Variants in RNFT1 observed in about 807,000 individuals in gnomAD.
RNFT1 encodes the protein E3 ubiquitin-protein ligase RNFT1.
RNFT1 carries 35 observed loss-of-function variants against 53.2 expected under a neutral mutation model. The observed-to-expected ratio is 0.66, with a 90% confidence interval of 0.50 to 0.87. The LOEUF is 0.87. Among genes scored for constraint, RNFT1 ranks in the 40% least tolerant of loss-of-function variants. The pLI is 0.00. For synonymous variants in RNFT1, 141 were observed against 172.8 expected, an observed-to-expected ratio of 0.82 and a Z score of 1.44; for missense variants, 421 against 515.0, an observed-to-expected ratio of 0.82 and a Z score of 1.77.
In RNFT1 at chr17:59,958,446, T is replaced by C. The variant is rs138113380; in HGVS notation, c.693-2A>G. The C allele has an allele frequency of 4.1e-5, 64 of 1,560,860 alleles. No homozygotes were observed. The highest frequency in any genetic ancestry group is 5.1e-5 in the Non-Finnish European group (59 of 1,161,816). On this transcript the variant is annotated splice_acceptor_variant, in intron 4 of 8. Transcript: ENST00000305783. LOFTEE classifies it high-confidence loss of function. ...AAAGTAGGATTTAAAAAAATTAAGC[T>C]ACCAAAAGAAAAACATCAAAATTTA...
intron 1 of RNFT1, among the ~76,000 whole-genome samples, chr17:59,963,656 C>G (rs2045312118): frequency 6.6e-6 from 1 of 152,114 alleles, no homozygotes; most frequent in Non-Finnish European, 1.5e-5. Flanking sequence ...AGTTTCATCT[C>G]TGATGTAGAT....
In RNFT1 at chr17:59,962,903, A is replaced by G. The variant is rs2045305105; in HGVS notation, c.438T>C (p.Tyr146=). 1 of 1,614,202 alleles carries G rather than the reference A, an allele frequency of 6.2e-7. No individual in the cohort carries two copies. The highest frequency in any genetic ancestry group is 8.5e-7 in the Non-Finnish European group (1 of 1,180,030). ...HGSSSFSEFR[Y]LFKWLQKSLP... is the part of the protein sequence containing the mutation. ...GACTTTTTTGCAGCCACTTGAAGAG[A>G]TAGCGGAATTCTGAGAAGGAGCTAC... The change falls in exon 2 of 9, where the codon TAT becomes TAC. Residue 146 remains tyrosine, a synonymous_variant. Coordinates refer to ENST00000305783, the MANE Select transcript of RNFT1 (RefSeq NM_016125.4).
At position 59,956,537 on chromosome 17, in the gene RNFT1, C is replaced by T; in HGVS notation, c.1022G>A (p.Gly341Glu). The T allele has an allele frequency of 6.2e-7, 1 of 1,611,690 alleles. No homozygotes were observed. The highest frequency in any genetic ancestry group is 1.3e-5 in the African/African-American group (1 of 74,902). ...AACCTGTCTGAAAGTTCTCAGATGC[C>T]CAAAAAATTCCAAAAGCTGAAAAGA... is the stretch of plus-strand genomic sequence containing the variant. ...YLILKLLEFF[G>E]HLRTFRQVLR... The change falls in exon 7 of 9, where the codon GGG (glycine) becomes GAG (glutamate). Residue 341 changes from glycine (G) to glutamate (E), a missense_variant. Gly to Glu is a moderately conservative substitution (Grantham distance 98, BLOSUM62 -2). Transcript: ENST00000305783.
chr17:59,960,837 A>G (rs1314169661), intron 3 of RNFT1, among the ~76,000 whole-genome samples: 2 of 152,064 alleles, frequency 1.3e-5, no homozygotes, highest in Non-Finnish European at 2.9e-5. Context: ...CCCACCCACA[A>G]AAGAAAATTT....
intron 3 of RNFT1, among the ~76,000 whole-genome samples, chr17:59,961,190 C>T (rs187359173): frequency 4.7e-4 from 72 of 152,126 alleles, no homozygotes; most frequent in East Asian, 4.1e-3. Flanking sequence ...GCACGTGCCA[C>T]CACGCCCAGC....
Position 59,964,639 on chromosome 17 carries a change from G to A in RNFT1, c.25C>T (p.Pro9Ser). 1.2e-6 allele frequency: 2 copies of A among 1,608,462 alleles called. No homozygotes were observed. The highest frequency in any genetic ancestry group is 1.1e-5 in the South Asian group (1 of 89,958). The change falls in exon 1 of 9, where the codon CCG becomes TCG. Residue 9 changes from proline (P) to serine (S), a missense_variant. Coordinates refer to ENST00000305783, the MANE Select transcript of RNFT1 (RefSeq NM_016125.4). ...TGACCAGAAGCGGACGGAGGTGTCG[G>A]GAGCGACAGCAAGAACAGCGGCATA... MPLFLLSL[P>S]TPPSASGHER...
At position 59,952,842 on chromosome 17, in the gene RNFT1, G is replaced by T; in HGVS notation, c.*135C>A. Reference sequence around the variant, plus strand: ...GTTTCATTTAATCTTTTGGTGAATTGGATCATAAGTCCTACATTCTAAAAC... The same window carrying T: ...GTTTCATTTAATCTTTTGGTGAATTTGATCATAAGTCCTACATTCTAAAAC... On this transcript the variant is annotated 3_prime_UTR_variant, in exon 9 of 9. Coordinates refer to ENST00000305783, the MANE Select transcript of RNFT1 (RefSeq NM_016125.4). 2 of 721,300 alleles carry T rather than the reference G, an allele frequency of 2.8e-6. No homozygotes were observed. Among genetic ancestry groups the T allele is most frequent in the Non-Finnish European group, 4.3e-6 (2 of 461,916 alleles). The allele number at this position is 721,300 out of a possible 1,614,324, so 44.7% of individuals were successfully genotyped here. A position where few individuals can be genotyped will look rare whatever the true frequency, so the allele number is the denominator to read the frequency against.
rs1456236663 is a variant in RNFT1, at chr17:59,953,091, G to A, written c.1194C>T (p.Cys398=). 11 of 1,607,896 alleles carry A rather than the reference G, an allele frequency of 6.8e-6. No homozygotes were observed. Among genetic ancestry groups the A allele is most frequent in the Non-Finnish European group, 8.5e-6 (10 of 1,175,072 alleles). Reference sequence around the variant, plus strand: ...TCTCTCTGTTAAACCATAAGGTCATGCACTCTTCACAAAATATATGCTGTA... The same window carrying A: ...TCTCTCTGTTAAACCATAAGGTCATACACTCTTCACAAAATATATGCTGTA... The part of the protein sequence containing the change: ...LICQHIFCEE[C]MTLWFNREKT... The change falls in exon 9 of 9, where the codon TGC becomes TGT. Residue 398 remains cysteine, a synonymous_variant. Coordinates refer to ENST00000305783, the MANE Select transcript of RNFT1 (RefSeq NM_016125.4).
At chr17:59,955,201 T>C (rs1399540776) in intron 7 of RNFT1, among the ~76,000 whole-genome samples, 1 of 152,176 alleles carries the variant, frequency 6.6e-6, no homozygotes, top group Non-Finnish European at 1.5e-5. Context: ...ATAAAGATAT[T>C]AAAAATTGAG....
At chr17:59,956,042 A>C (rs1382459258) in intron 7 of RNFT1, among the ~76,000 whole-genome samples, 4 of 152,182 alleles carry the variant, frequency 2.6e-5, no homozygotes, top group Admixed American at 2.6e-4. Flanking sequence ...CCAGTAAGAA[A>C]ACTGCAAGAG....
intron 4 of RNFT1, 131 bp downstream of exon 4, chr17:59,959,937 G>A (rs994965872): frequency 3.8e-6 from 3 of 787,920 alleles, no homozygotes; most frequent in East Asian, 3.6e-5. Flanking sequence ...AAAAGCTCTC[G>A]CTTATGAAAG....
intron 6 of RNFT1, 22 bp from the exon 7 acceptor site, chr17:59,956,575 CATTT>C (rs2045255750): frequency 1.3e-6 from 2 of 1,593,982 alleles, no homozygotes. Context: ...AATAAGAGAT[CATTT>C]ATTAATTCAA....
chr17:59,962,621 T>C lies in RNFT1; in HGVS notation c.515-5A>G. On this transcript the variant is annotated splice_polypyrimidine_tract_variant and splice_region_variant and intron_variant, in intron 2 of 8. Coordinates refer to ENST00000305783, the MANE Select transcript of RNFT1 (RefSeq NM_016125.4). ...GCCCAATTCCAAGAGAAATTCCTGT[T>C]AGAAAATAAGTTCCAGTTAATTGAA... The C allele has an allele frequency of 6.3e-7, 1 of 1,586,698 alleles. No individual in the cohort carries two copies.
intron 4 of RNFT1, among the ~76,000 whole-genome samples, chr17:59,959,138 A>C (rs11868009): frequency 0.44 from 67,300 of 151,944 alleles, 16,901 homozygotes; most frequent in South Asian, 0.57. Context: ...TATCAATTCT[A>C]CTTAGCCTCT....
Position 59,956,566 on chromosome 17 carries a change from A to G in RNFT1, c.1006-13T>C, listed in dbSNP as rs764188730. 1.9e-6 allele frequency: 3 copies of G among 1,605,038 alleles called. No individual in the cohort carries two copies. The highest frequency in any genetic ancestry group is 1.3e-5 in the African/African-American group (1 of 74,824). ...AAAATTCCAAAAGCTGAAAAGAGAA[A>G]TAAGAGATCATTTATTAATTCAAAC... On this transcript the variant is annotated splice_polypyrimidine_tract_variant and intron_variant, in intron 6 of 8. Transcript: ENST00000305783.
At chr17:59,953,465 T>C (rs2045234439) in intron 8 of RNFT1, among the ~76,000 whole-genome samples, 1 of 152,188 alleles carries the variant, frequency 6.6e-6, no homozygotes, top group Admixed American at 6.5e-5. Context: ...CCTCCCAAAG[T>C]TCTGGGATTA....
chr17:59,958,291 C>T lies in RNFT1; in HGVS notation c.846G>A (p.Lys282=). ...AATAAAGCATAAGTGAGTTTCTTAC[C>T]TTAGATTTAAAAGGCATGATGAAAG... ...VPSFIMPFKS[K]GYWYMLLEEL... The change falls in exon 5 of 9, where the codon AAG becomes AAA. Residue 282 remains lysine (K), a splice_region_variant and synonymous_variant. Transcript: ENST00000305783. 2.5e-6 allele frequency: 4 copies of T among 1,587,854 alleles called. No homozygotes were observed. The highest frequency in any genetic ancestry group is 1.9e-5 in the Admixed American group (1 of 51,530).
Position 59,956,487 on chromosome 17 carries a change from C to G in RNFT1, c.1071+1G>C, listed in dbSNP as rs371935736. 79 of 1,608,984 alleles carry G rather than the reference C, an allele frequency of 4.9e-5. No individual in the cohort carries two copies. Among genetic ancestry groups the G allele is most frequent in the Non-Finnish European group, 6.5e-5 (77 of 1,176,868 alleles). The stretch of plus-strand genomic sequence containing the variant: ...TTTCTTAACTGATAAAAAGTACTTA[C>G]TGGTTGTGTAAAAAATATTCGTAAA... On this transcript the variant is annotated splice_donor_variant, in intron 7 of 8. Transcript: ENST00000305783. LOFTEE classifies it high-confidence loss of function.
intron 6 of RNFT1, among the ~76,000 whole-genome samples, chr17:59,956,927 T>A (rs115465451): frequency 1.3e-3 from 203 of 152,340 alleles, no homozygotes; most frequent in African/African-American, 4.6e-3. Context: ...TTAAGAATTA[T>A]GTGTATGACA....
Sources: allele counts gnomAD v4.1 joint callset (sites outside exome capture counted in the v4.1 genomes callset), GRCh38; gene constraint gnomAD v4.1.1; transcripts MANE v1.5; gene names NCBI Gene and HGNC (gene_info 2026-07-23, HGNC 2026-07-21).